The following PABPC4L variants were observed in gnomAD, a reference collection of about 807,000 sequenced individuals.
The protein encoded by PABPC4L is poly(A) binding protein cytoplasmic 4 like, also known as polyadenylate-binding protein 4-like.
For synonymous variants in PABPC4L, 169 were observed against 164.1 expected (o/e 1.03, Z -0.23); for missense variants, 452 against 451.4 (o/e 1.00, Z -0.01).
the PABPC4L span, among the ~76,000 whole-genome samples, chr4:134,133,359 A>G: frequency 7.0e-6 from 1 of 142,504 alleles, no homozygotes; most frequent in Non-Finnish European, 1.5e-5. Context: ...TATCTTATAT[A>G]TAATTGTTAT....
chr4:134,172,978 A>G, the PABPC4L span, among the ~76,000 whole-genome samples: 811 of 151,962 alleles, frequency 5.3e-3, 11 homozygotes, highest in African/African-American at 0.018. Flanking sequence ...ATCATTAATC[A>G]TTAGATAGAT....
chr4:134,164,267 A>G, the PABPC4L span, among the ~76,000 whole-genome samples: 2 of 142,674 alleles, frequency 1.4e-5, no homozygotes, highest in Non-Finnish European at 3.0e-5. Context: ...CGTCTCAAAA[A>G]AAAAAAAAAA....
chr4:134,147,823 T>G, the PABPC4L span, among the ~76,000 whole-genome samples: 1 of 152,024 alleles, frequency 6.6e-6, no homozygotes, highest in East Asian at 1.9e-4. Context: ...TTAATTGGTT[T>G]GAATTTCAAA....
chr4:134,040,789 A>G, the PABPC4L span, among the ~76,000 whole-genome samples: 1 of 152,176 alleles, frequency 6.6e-6, no homozygotes, highest in Non-Finnish European at 1.5e-5. Context: ...GTGAACAGGC[A>G]ACCTACAGAA....
At chr4:133,972,334 T>G in the PABPC4L span, among the ~76,000 whole-genome samples, 1 of 152,208 alleles carries the variant, frequency 6.6e-6, no homozygotes, top group African/African-American at 2.4e-5. Flanking sequence ...ATACTTATTT[T>G]GAATGAATCC....
At chr4:133,949,923 T>G in the PABPC4L span, among the ~76,000 whole-genome samples, 1 of 152,136 alleles carries the variant, frequency 6.6e-6, no homozygotes, top group Non-Finnish European at 1.5e-5. Flanking sequence ...TATTAACTCA[T>G]AGAGGGACAA....
At chr4:134,025,816 T>A in the PABPC4L span, among the ~76,000 whole-genome samples, 1 of 152,224 alleles carries the variant, frequency 6.6e-6, no homozygotes, top group East Asian at 1.9e-4. Context: ...AGACTGAAGT[T>A]TTGTCAATGA....
the PABPC4L span, among the ~76,000 whole-genome samples, chr4:133,992,532 G>A: frequency 2.6e-3 from 394 of 152,236 alleles, 3 homozygotes; most frequent in South Asian, 0.014. Flanking sequence ...TTAGTCCAAT[G>A]CATGTCATTA....
chr4:134,090,480 C>G, the PABPC4L span, among the ~76,000 whole-genome samples: 1 of 152,078 alleles, frequency 6.6e-6, no homozygotes, highest in East Asian at 1.9e-4. Context: ...AAAAGGCTGT[C>G]TTTGGGACCA....
At chr4:133,994,862 C>T in the PABPC4L span, among the ~76,000 whole-genome samples, 12 of 152,158 alleles carry the variant, frequency 7.9e-5, no homozygotes, top group African/African-American at 1.9e-4. Context: ...CCTGTGATCA[C>T]ACTGATTCCT....
the PABPC4L span, among the ~76,000 whole-genome samples, chr4:134,084,084 T>TGC: frequency 6.6e-6 from 1 of 152,142 alleles, no homozygotes; most frequent in Non-Finnish European, 1.5e-5. Flanking sequence ...GGTCTTGCTC[T>TGC]GCTGTCCAGG....
chr4:134,034,070 G>A, the PABPC4L span, among the ~76,000 whole-genome samples: 9 of 151,874 alleles, frequency 5.9e-5, no homozygotes, highest in African/African-American at 2.2e-4. Flanking sequence ...CTCTTGTTAC[G>A]AGAGGTAATC....
At chr4:134,073,584 C>T in the PABPC4L span, among the ~76,000 whole-genome samples, 2 of 152,178 alleles carry the variant, frequency 1.3e-5, no homozygotes, top group Admixed American at 6.5e-5. Flanking sequence ...AGGCAGTGCC[C>T]CAGTGGGGAC....
At chr4:134,178,285 A>G in the PABPC4L span, among the ~76,000 whole-genome samples, 1 of 151,454 alleles carries the variant, frequency 6.6e-6, no homozygotes, top group African/African-American at 2.4e-5. Context: ...AAGACCAGGA[A>G]TGAACTAGAA....
the PABPC4L span, among the ~76,000 whole-genome samples, chr4:133,950,257 G>T: frequency 6.6e-6 from 1 of 152,126 alleles, no homozygotes; most frequent in Non-Finnish European, 1.5e-5. Context: ...TTGGGAGAGG[G>T]AAGGTGTTCA....
chr4:134,090,016 A>T, the PABPC4L span, among the ~76,000 whole-genome samples: 1 of 152,086 alleles, frequency 6.6e-6, no homozygotes, highest in African/African-American at 2.4e-5. Flanking sequence ...AGAAGTTTCC[A>T]CACTGTTTTG....
the PABPC4L span, among the ~76,000 whole-genome samples, chr4:133,979,672 C>A: frequency 2.0e-5 from 3 of 152,100 alleles, no homozygotes; most frequent in Non-Finnish European, 4.4e-5. Context: ...AAGAATACTA[C>A]TGAGAATATT....
the PABPC4L span, among the ~76,000 whole-genome samples, chr4:134,116,937 T>C: frequency 6.6e-6 from 1 of 151,698 alleles, no homozygotes; most frequent in Admixed American, 6.6e-5. Context: ...TGTTTTACAG[T>C]TTTGCCCTGT....
At chr4:134,037,374 A>G in the PABPC4L span, among the ~76,000 whole-genome samples, 4 of 152,178 alleles carry the variant, frequency 2.6e-5, no homozygotes, top group Non-Finnish European at 5.9e-5. Flanking sequence ...TTGGTTAAGT[A>G]TGTTCCTATG....
Sources: gnomAD v4.1 joint callset for allele counts (sites outside exome capture counted in the v4.1 genomes callset) on GRCh38, gnomAD v4.1.1 for gene constraint, MANE v1.5 for transcripts, NCBI Gene and HGNC (gene_info 2026-07-23, HGNC 2026-07-21) for gene names.